Variants in SPMIP2 observed in about 807,000 individuals in gnomAD.
SPMIP2 encodes the protein sperm microtubule inner protein 2.
the SPMIP2 span, among the ~76,000 whole-genome samples, chr4:158,901,798 G>A: frequency 2.0e-5 from 3 of 151,544 alleles, no homozygotes; most frequent in Non-Finnish European, 4.4e-5. Flanking sequence ...ACTTGTGTAT[G>A]CTTCATGAAG....
At chr4:158,997,635 A>G in the SPMIP2 span, among the ~76,000 whole-genome samples, 1 of 152,082 alleles carries the variant, frequency 6.6e-6, no homozygotes, top group Non-Finnish European at 1.5e-5. Flanking sequence ...GTATTCCTCC[A>G]TATTCAAGCT....
the SPMIP2 span, among the ~76,000 whole-genome samples, chr4:158,993,227 G>C: frequency 2.0e-5 from 3 of 151,920 alleles, no homozygotes; most frequent in Non-Finnish European, 2.9e-5. Context: ...TTAGCCAGCC[G>C]CCCATGGCAT....
At chr4:158,948,397 C>G in the SPMIP2 span, among the ~76,000 whole-genome samples, 4 of 152,002 alleles carry the variant, frequency 2.6e-5, no homozygotes, top group African/African-American at 9.7e-5. Context: ...GTATAAAATT[C>G]TAGGTTAAAA....
At chr4:159,055,709 C>T in the SPMIP2 span, among the ~76,000 whole-genome samples, 1 of 151,286 alleles carries the variant, frequency 6.6e-6, no homozygotes, top group African/African-American at 2.4e-5. Context: ...GACCCTGTCT[C>T]AAAAATAAAT....
chr4:159,002,799 GTGT>G, the SPMIP2 span, among the ~76,000 whole-genome samples: 1 of 139,912 alleles, frequency 7.1e-6, no homozygotes, highest in Non-Finnish European at 1.6e-5. Context: ...CACACACGCA[GTGT>G]TGTTAACTGG....
the SPMIP2 span, among the ~76,000 whole-genome samples, chr4:158,898,921 G>T: frequency 2.0e-5 from 3 of 152,296 alleles, no homozygotes; most frequent in Non-Finnish European, 4.4e-5. Context: ...GTCTTGTGCT[G>T]GTTTCCAAAG....
the SPMIP2 span, among the ~76,000 whole-genome samples, chr4:158,921,229 C>T: frequency 4.6e-5 from 7 of 151,982 alleles, no homozygotes; most frequent in East Asian, 3.9e-4. Context: ...ACCAGAGGTC[C>T]GGAGTACAAG....
chr4:158,949,110 T>C, the SPMIP2 span, among the ~76,000 whole-genome samples: 104 of 152,336 alleles, frequency 6.8e-4, no homozygotes, highest in Admixed American at 1.6e-3. Context: ...GTATACAATT[T>C]CTAGACCATA....
chr4:159,041,740 T>C, the SPMIP2 span, among the ~76,000 whole-genome samples: 1 of 152,242 alleles, frequency 6.6e-6, no homozygotes, highest in African/African-American at 2.4e-5. Flanking sequence ...AGTTTAATTT[T>C]CTGGTGAAGC....
the SPMIP2 span, among the ~76,000 whole-genome samples, chr4:158,964,575 C>T: frequency 6.6e-6 from 1 of 151,482 alleles, no homozygotes; most frequent in Non-Finnish European, 1.5e-5. Flanking sequence ...AAATGGCATT[C>T]GGACTAGCAT....
chr4:159,004,175 C>A, the SPMIP2 span, among the ~76,000 whole-genome samples: 2 of 151,788 alleles, frequency 1.3e-5, no homozygotes, highest in Non-Finnish European at 2.9e-5. Flanking sequence ...TGCCAACACA[C>A]CTGGCTAATT....
the SPMIP2 span, among the ~76,000 whole-genome samples, chr4:158,971,606 A>G: frequency 6.6e-6 from 1 of 152,214 alleles, no homozygotes; most frequent in Non-Finnish European, 1.5e-5. Context: ...TGGTGCCAGG[A>G]TCGCGCTCAG....
chr4:159,031,650 C>G, the SPMIP2 span, among the ~76,000 whole-genome samples: 10 of 152,154 alleles, frequency 6.6e-5, no homozygotes, highest in African/African-American at 2.4e-4. Flanking sequence ...GCAGTCACGG[C>G]AATGTGACTA....
At chr4:159,005,324 A>T in the SPMIP2 span, among the ~76,000 whole-genome samples, 1 of 151,892 alleles carries the variant, frequency 6.6e-6, no homozygotes, top group East Asian at 1.9e-4. Flanking sequence ...AGTGTCTGTA[A>T]TCCCAGCTAC....
the SPMIP2 span, among the ~76,000 whole-genome samples, chr4:159,082,810 C>T: frequency 6.6e-6 from 1 of 152,100 alleles, no homozygotes; most frequent in Non-Finnish European, 1.5e-5. Flanking sequence ...GGGCCAGGTA[C>T]ATTGGCTCAT....
chr4:158,911,386 A>AT, the SPMIP2 span, among the ~76,000 whole-genome samples: 5 of 149,232 alleles, frequency 3.4e-5, no homozygotes, highest in Non-Finnish European at 7.4e-5. Flanking sequence ...AAATAAATAA[A>AT]ATAAATAAAA....
At chr4:159,073,969 C>T in the SPMIP2 span, among the ~76,000 whole-genome samples, 1 of 152,126 alleles carries the variant, frequency 6.6e-6, no homozygotes, top group African/African-American at 2.4e-5. Context: ...CACATCACTG[C>T]ACTCCAGCCT....
chr4:159,072,231 C>T, the SPMIP2 span, among the ~76,000 whole-genome samples: 1 of 152,106 alleles, frequency 6.6e-6, no homozygotes, highest in Admixed American at 6.5e-5. Flanking sequence ...AGAGGATCAC[C>T]TAAGGCTGGG....
the SPMIP2 span, among the ~76,000 whole-genome samples, chr4:158,975,896 G>A: frequency 1.7e-4 from 26 of 152,106 alleles, no homozygotes; most frequent in Admixed American, 3.9e-4. Context: ...GGGCAGTACG[G>A]CCATTTTCAT....
Sources: gnomAD v4.1 joint callset for allele counts (sites outside exome capture counted in the v4.1 genomes callset) on GRCh38, gnomAD v4.1.1 for gene constraint, MANE v1.5 for transcripts, NCBI Gene and HGNC (gene_info 2026-07-23, HGNC 2026-07-21) for gene names.